The following POF1B variants were observed in gnomAD, a reference collection of about 807,000 sequenced individuals.
POF1B encodes POF1B actin binding protein.
In POF1B, 53 loss-of-function variants were observed where a neutral mutation model predicts 55.3. That is an observed-to-expected ratio of 0.96 (90% confidence interval 0.77 to 1.20). The LOEUF (loss-of-function observed/expected upper bound fraction) is 1.20. POF1B is among the 50% of genes most tolerant of loss of function. The probability of loss-of-function intolerance (pLI) is 0.00; values close to 1 mark genes in which losing one functional copy is unlikely to be tolerated. For synonymous variants in POF1B, 188 were observed against 148.3 expected (o/e 1.27, Z -1.95); for missense variants, 478 against 420.5 (o/e 1.14, Z -1.20).
intron 7 of POF1B, among the ~76,000 whole-genome samples, chrX:85,329,414 C>T (rs774384300): frequency 3.2e-4 from 35 of 110,574 alleles, no homozygotes; most frequent in Non-Finnish European, 5.9e-4. Flanking sequence ...ATAATGGCAC[C>T]GGTTCAAATA....
chrX:85,324,387 A>C (rs1473457823), intron 7 of POF1B, among the ~76,000 whole-genome samples: 2 of 110,748 alleles, frequency 1.8e-5, no homozygotes, highest in Admixed American at 1.9e-4. Flanking sequence ...TTCTTTATGT[A>C]TCTTGGTGTG....
intron 6 of POF1B, among the ~76,000 whole-genome samples, chrX:85,339,441 G>A (rs1444026804): frequency 9.0e-6 from 1 of 111,229 alleles, no homozygotes; most frequent in Non-Finnish European, 1.9e-5. Context: ...GAAGGAAGAA[G>A]TGCCTGAGAA....
intron 2 of POF1B, among the ~76,000 whole-genome samples, chrX:85,370,517 T>A (rs1281404623): frequency 1.8e-5 from 2 of 111,708 alleles, no homozygotes; most frequent in Non-Finnish European, 3.8e-5. Flanking sequence ...TTGAACAGCA[T>A]GAATTTAAAT....
Position 85,295,762 on chromosome X carries a change from C to T in POF1B, c.1649+7644G>A, listed in dbSNP as rs145141819. 1.4e-3 allele frequency among the ~76,000 whole-genome samples: 158 copies of T among 111,772 alleles called. 2 individuals are homozygous for T. The highest frequency in any genetic ancestry group is 5.0e-3 in the African/African-American group (155 of 30,795). On this transcript the variant is annotated intron_variant, in intron 15 of 16. Coordinates refer to ENST00000262753, the MANE Select transcript of POF1B (RefSeq NM_024921.4). Reference sequence around the variant, plus strand: ...GTTGGTTGAGTGTCAAATTTAAGCCCGAAATTCCTTTGTCAGTTTCCTGCC... The same window carrying T: ...GTTGGTTGAGTGTCAAATTTAAGCCTGAAATTCCTTTGTCAGTTTCCTGCC...
Position 85,330,948 on chromosome X carries a change from C to A in POF1B, c.854+1G>T. 1 of 1,177,339 alleles carries A rather than the reference C, an allele frequency of 8.5e-7. No homozygotes were observed. The highest frequency in any genetic ancestry group is 2.4e-5 in the Admixed American group (1 of 42,409). On this transcript the variant is annotated splice_donor_variant, in intron 7 of 16. Coordinates refer to ENST00000262753, the MANE Select transcript of POF1B (RefSeq NM_024921.4). LOFTEE classifies it high-confidence loss of function. Reference sequence around the variant, plus strand: ...CAAGGCAAATAATATGTTTACAGTACCTTCCTCCAATTCTCTGCAAATGTT... The same window carrying A: ...CAAGGCAAATAATATGTTTACAGTAACTTCCTCCAATTCTCTGCAAATGTT...
In POF1B at chrX:85,345,919, T is replaced by C. The variant is rs770086509; in HGVS notation, c.664A>G (p.Ile222Val). The C allele has an allele frequency of 1.7e-6, 2 of 1,206,599 alleles. No individual in the cohort carries two copies. Among genetic ancestry groups the C allele is most frequent in the African/African-American group, 3.5e-5 (2 of 56,792 alleles). ...QIQAITGNNP[I>V]STHIGNELCH... is the part of the protein sequence containing the mutation. ...AGTTCATTTCCAATATGTGTAGAAA[T>C]TGGATTATTTCCTGTGATGGCTTGG... The change falls in exon 6 of 17, where the codon ATT (isoleucine) becomes GTT (valine). Residue 222 changes from isoleucine (I) to valine (V), a missense_variant. Ile to Val is a conservative substitution (Grantham distance 29). Transcript: ENST00000262753.
At chrX:85,312,514 G>T (rs1603037909) in intron 9 of POF1B, among the ~76,000 whole-genome samples, 1 of 111,178 alleles carries the variant, frequency 9.0e-6, no homozygotes, top group South Asian at 3.8e-4. Context: ...TGAGGCCTCT[G>T]TTCTGTTCCA....
intron 6 of POF1B, among the ~76,000 whole-genome samples, chrX:85,341,572 T>C (rs974055054): frequency 9.1e-6 from 1 of 110,459 alleles, no homozygotes; most frequent in Non-Finnish European, 1.9e-5. Context: ...TGGACACTAA[T>C]TAAATTTGTG....
At chrX:85,285,074 C>T (rs1932017229) in intron 15 of POF1B, among the ~76,000 whole-genome samples, 2 of 111,849 alleles carry the variant, frequency 1.8e-5, no homozygotes, top group Admixed American at 1.9e-4. Context: ...CCATCACTGG[C>T]CATCAGAGAA....
chrX:85,364,796 TCTAGCAAGGCTA>T (rs918974371), intron 3 of POF1B, among the ~76,000 whole-genome samples: 26 of 112,298 alleles, frequency 2.3e-4, no homozygotes, highest in Middle Eastern at 4.6e-3. Flanking sequence ...TGTTAGCCTC[TCTAGCAAGGCTA>T]GGGAAGTTTT....
chrX:85,377,654 A>G (rs1448277675), intron 2 of POF1B, among the ~76,000 whole-genome samples: 1 of 111,598 alleles, frequency 9.0e-6, no homozygotes, highest in Non-Finnish European at 1.9e-5. Flanking sequence ...GGCGAGCTAC[A>G]TTTTAGGAAG....
At chrX:85,303,981 A>G (rs928563038) in intron 14 of POF1B, among the ~76,000 whole-genome samples, 16 of 110,991 alleles carry the variant, frequency 1.4e-4, no homozygotes, top group Non-Finnish European at 5.7e-5. Flanking sequence ...ATGCCAGGTC[A>G]TGGGCTACAT....
At chrX:85,320,085 T>C (rs753944360) in intron 7 of POF1B, among the ~76,000 whole-genome samples, 8 of 111,485 alleles carry the variant, frequency 7.2e-5, no homozygotes, top group Non-Finnish European at 1.1e-4. Context: ...TTCAGTCTCT[T>C]CCTGGTTCCA....
intron 7 of POF1B, among the ~76,000 whole-genome samples, chrX:85,327,534 T>C (rs1932910730): frequency 8.9e-6 from 1 of 111,785 alleles, no homozygotes; most frequent in Non-Finnish European, 1.9e-5. Flanking sequence ...TACGTGCAAT[T>C]GTCTGCATGT....
intron 3 of POF1B, among the ~76,000 whole-genome samples, chrX:85,360,527 G>GTATGTATATATATA (rs1392775604): frequency 2.1e-4 from 12 of 58,515 alleles, no homozygotes; most frequent in African/African-American, 1.3e-3. Flanking sequence ...TCCATGGTAT[G>GTATGTATATATATA]TATATATATA....
chrX:85,313,087 G>C (rs1209357072), intron 9 of POF1B, among the ~76,000 whole-genome samples: 1 of 111,532 alleles, frequency 9.0e-6, no homozygotes, highest in Non-Finnish European at 1.9e-5. Flanking sequence ...TGAGACGATG[G>C]GGTTTTCTAA....
intron 8 of POF1B, among the ~76,000 whole-genome samples, chrX:85,314,762 G>A (rs1032521096): frequency 2.7e-5 from 3 of 111,786 alleles, no homozygotes; most frequent in African/African-American, 9.7e-5. Context: ...CCAATGAGAA[G>A]TTCCATTTCT....
chrX:85,314,208 A>T (rs1345518972), intron 9 of POF1B, among the ~76,000 whole-genome samples: 2 of 111,415 alleles, frequency 1.8e-5, no homozygotes. Context: ...GGCATTCTAC[A>T]GAAGGGAATA....
intron 15 of POF1B, among the ~76,000 whole-genome samples, chrX:85,296,949 T>A (rs773880486): frequency 8.9e-6 from 1 of 112,040 alleles, no homozygotes; most frequent in Non-Finnish European, 1.9e-5. Context: ...TTTTTTATTT[T>A]TGTCTAAGTT....
Sources: gnomAD v4.1 joint callset for allele counts (sites outside exome capture counted in the v4.1 genomes callset) on GRCh38, gnomAD v4.1.1 for gene constraint, MANE v1.5 for transcripts, NCBI Gene and HGNC (gene_info 2026-07-23, HGNC 2026-07-21) for gene names.